The following THRAP3 variants were observed in gnomAD, a reference collection of about 807,000 sequenced individuals.
THRAP3 encodes the protein thyroid hormone receptor-associated protein 3.
Under a neutral mutation model 101.0 loss-of-function variants are expected in THRAP3, and 16 were observed. That is an observed-to-expected ratio of 0.16 (90% CI 0.11 to 0.24). The LOEUF (loss-of-function observed/expected upper bound fraction) is 0.24, where lower values mean the gene tolerates loss of function less well. Among genes scored for constraint, THRAP3 ranks in the 10% least tolerant of loss-of-function variants. THRAP3 has a pLI of 1.00. For synonymous variants in THRAP3, 407 were observed against 422.6 expected (o/e 0.96, Z 0.45); for missense variants, 989 against 1,202.7 (o/e 0.82, Z 2.63).
At chr1:36,264,408 C>T (rs1461257279) in intron 2 of THRAP3, among the ~76,000 whole-genome samples, 1 of 152,178 alleles carries the variant, frequency 6.6e-6, no homozygotes, top group Non-Finnish European at 1.5e-5. Flanking sequence ...GTATTTTGTC[C>T]AGGAATGGGT....
the THRAP3 span, among the ~76,000 whole-genome samples, chr1:36,211,069 C>T: frequency 7.9e-5 from 12 of 151,354 alleles, no homozygotes; most frequent in South Asian, 6.3e-4. Flanking sequence ...ATTAAAAACC[C>T]GGGCATAGTG....
At chr1:36,299,226 G>A (rs1645998714) in intron 9 of THRAP3, among the ~76,000 whole-genome samples, 1 of 152,010 alleles carries the variant, frequency 6.6e-6, no homozygotes, top group African/African-American at 2.4e-5. Flanking sequence ...GGAGCATGAG[G>A]TCAGAAGATT....
At chr1:36,269,770 G>T (rs1645564834) in intron 2 of THRAP3, among the ~76,000 whole-genome samples, 1 of 151,782 alleles carries the variant, frequency 6.6e-6, no homozygotes, top group South Asian at 2.1e-4. Context: ...GTAGAGACAG[G>T]GTCTCACTAT....
upstream of THRAP3, among the ~76,000 whole-genome samples, chr1:36,224,225 G>A (rs1043139115): frequency 9.8e-5 from 15 of 152,364 alleles, no homozygotes; most frequent in Admixed American, 9.1e-4. Flanking sequence ...CAGGCGGGGG[G>A]AGGGGACGGC....
rs1645795454 is a variant in THRAP3, at chr1:36,286,350, C to T, written c.138-18C>T. On this transcript the variant is annotated intron_variant, in intron 3 of 11. Transcript: ENST00000354618. The surrounding 1 kb of genome is among the most constrained non-coding windows in gnomAD (Gnocchi z 5.5). ...GTGTCAAAAATTCAAACATTTGTCT[C>T]TTTCCTTTCCATTCCAGTTCTAGGT... 6.5e-7 allele frequency: 1 copy of T among 1,548,628 alleles called. No homozygotes were observed. Among genetic ancestry groups the T allele is most frequent in the Non-Finnish European group, 8.7e-7 (1 of 1,150,634 alleles).
intron 1 of THRAP3, among the ~76,000 whole-genome samples, chr1:36,234,248 T>G (rs1018909431): frequency 8.5e-5 from 13 of 152,162 alleles, no homozygotes; most frequent in African/African-American, 3.1e-4. Flanking sequence ...CATTTTATTT[T>G]TAAAAAGATA....
chr1:36,279,732 T>G (rs1291368357), intron 2 of THRAP3, among the ~76,000 whole-genome samples: 1 of 152,236 alleles, frequency 6.6e-6, no homozygotes, highest in Non-Finnish European at 1.5e-5. Flanking sequence ...AAGATTTTGC[T>G]TGTTTCCCCT....
At position 36,262,617 on chromosome 1, in the gene THRAP3, C is replaced by A. The variant is rs975571052; in HGVS notation, c.-32+3133C>A. Among the ~76,000 whole-genome samples the A allele has an allele frequency of 3.9e-5, 6 of 152,220 alleles. No individual in the cohort carries two copies. The East Asian group carries it at 1.2e-3, about 29-fold the overall frequency. On this transcript the variant is annotated intron_variant, in intron 2 of 11. Transcript: ENST00000354618. ...GTCTGTATATCAGTATGGGGGTGAT[C>A]TGCAAAGAATGTCCATGGCCCACTG...
At chr1:36,220,972 A>AATATATATATATAT (rs1228406695), upstream of THRAP3, among the ~76,000 whole-genome samples, 3 of 94,120 alleles carry the variant, frequency 3.2e-5, no homozygotes, top group African/African-American at 9.5e-5. Flanking sequence ...AAAAAAAAAA[A>AATATATATATATAT]ATATATATAT....
chr1:36,252,969 T>TATATAA (rs1553194067), intron 1 of THRAP3, among the ~76,000 whole-genome samples: 4 of 124,554 alleles, frequency 3.2e-5, no homozygotes, highest in Admixed American at 1.6e-4. Context: ...TATATATATA[T>TATATAA]AAATGTAAAT....
In THRAP3 at chr1:36,304,133, C is replaced by T. The variant is rs1182163108; in HGVS notation, c.*116C>T. Reference sequence around the variant, plus strand: ...CTGAAAATCCTACCCCCACCCCCCACCAGCCGCACAGATTGTACTACCGCG... The same window carrying T: ...CTGAAAATCCTACCCCCACCCCCCATCAGCCGCACAGATTGTACTACCGCG... On this transcript the variant is annotated 3_prime_UTR_variant, in exon 12 of 12. Coordinates refer to ENST00000354618, the MANE Select transcript of THRAP3 (RefSeq NM_005119.4). The T allele has an allele frequency of 3.6e-6, 5 of 1,402,248 alleles. No individual in the cohort carries two copies. The highest frequency in any genetic ancestry group is 3.8e-6 in the Non-Finnish European group (4 of 1,062,490). 86.9% of individuals were successfully genotyped at this position (1,402,248 alleles called of 1,614,324 possible).
intron 1 of THRAP3, among the ~76,000 whole-genome samples, chr1:36,249,049 G>A (rs1236897895): frequency 1.3e-5 from 2 of 151,498 alleles, no homozygotes; most frequent in Non-Finnish European, 2.9e-5. Context: ...CACCACATCT[G>A]GCTAGTTTTT....
chr1:36,261,511 C>A (rs749669591), intron 2 of THRAP3, among the ~76,000 whole-genome samples: 1 of 151,930 alleles, frequency 6.6e-6, no homozygotes, highest in African/African-American at 2.4e-5. Flanking sequence ...CCAGGCTGGG[C>A]GACAGAGCGA....
chr1:36,212,358 T>C, the THRAP3 span, among the ~76,000 whole-genome samples: 1 of 151,950 alleles, frequency 6.6e-6, no homozygotes, highest in Non-Finnish European at 1.5e-5. Flanking sequence ...GCCAGTCACC[T>C]GCTCACCTTG....
At chr1:36,212,496 A>G in the THRAP3 span, among the ~76,000 whole-genome samples, 66 of 147,530 alleles carry the variant, frequency 4.5e-4, no homozygotes, top group Admixed American at 2.7e-4. Context: ...TCTCGGCTCA[A>G]TGCAACCTCC....
intron 1 of THRAP3, among the ~76,000 whole-genome samples, chr1:36,256,706 A>C (rs1333414569): frequency 6.6e-6 from 1 of 152,180 alleles, no homozygotes; most frequent in Admixed American, 6.5e-5. Flanking sequence ...AGGAAAACCA[A>C]AGTCCTTACT....
chr1:36,282,450 G>A, intron 2 of THRAP3, 83 bp from the exon 3 acceptor site: 2 of 972,716 alleles, frequency 2.1e-6, no homozygotes, highest in South Asian at 1.9e-5. Context: ...CAGATTAAAA[G>A]AAATGTGTTT....
At chr1:36,229,412 GTTTTTTTTTTGTT>G (rs1295682021) in intron 1 of THRAP3, among the ~76,000 whole-genome samples, 8 of 80,998 alleles carry the variant, frequency 9.9e-5, no homozygotes, top group Admixed American at 1.0e-4. Flanking sequence ...TTTTTTTTTT[GTTTTTTTTTTGTT>G]TTTTTTTTTT....
intron 9 of THRAP3, 147 bp downstream of exon 9, chr1:36,296,917 TAGGGTC>T: frequency 1.8e-6 from 1 of 551,992 alleles, no homozygotes; most frequent in Non-Finnish European, 2.9e-6. Flanking sequence ...AAATGTCAGG[TAGGGTC>T]CCTAGTTTGA....
Sources: gnomAD v4.1 joint callset for allele counts (sites outside exome capture counted in the v4.1 genomes callset) on GRCh38, gnomAD v4.1.1 for gene constraint, Gnocchi (gnomAD v3.1) non-coding constraint, MANE v1.5 for transcripts, NCBI Gene and HGNC (gene_info 2026-07-23, HGNC 2026-07-21) for gene names.